Variants in CASZ1 observed in about 807,000 individuals in gnomAD.
CASZ1 encodes zinc finger protein castor homolog 1.
CASZ1 carries 28 observed loss-of-function variants against 135.2 expected under a neutral mutation model. The ratio of observed to expected loss-of-function variants is 0.21; its 90% CI spans 0.15 to 0.28. The LOEUF (loss-of-function observed/expected upper bound fraction) is 0.28. Among genes scored for constraint, CASZ1 ranks in the 10% least tolerant of loss-of-function variants. The probability of loss-of-function intolerance (pLI) is 1.00; values close to 1 mark genes in which losing one functional copy is unlikely to be tolerated. For synonymous variants in CASZ1, 1,068 were observed against 1,073.4 expected (o/e 0.99, Z 0.10); for missense variants, 2,161 against 2,453.3 (o/e 0.88, Z 2.52).
intron 7 of CASZ1, 85 bp downstream of exon 7, chr1:10,658,423 G>C (rs531708236): frequency 9.0e-7 from 1 of 1,112,594 alleles, no homozygotes; most frequent in South Asian, 1.3e-5. Flanking sequence ...CTAGAGGTCA[G>C]ATATCAAACG....
intron 1 of CASZ1, among the ~76,000 whole-genome samples, chr1:10,783,109 C>T (rs1267007360): frequency 6.6e-6 from 1 of 152,218 alleles, no homozygotes; most frequent in Non-Finnish European, 1.5e-5. Flanking sequence ...GGAATCAACA[C>T]ACACGGCCCT....
chr1:10,749,451 G>A (rs1382809340), intron 2 of CASZ1, among the ~76,000 whole-genome samples: 1 of 152,150 alleles, frequency 6.6e-6, no homozygotes, highest in Non-Finnish European at 1.5e-5. Flanking sequence ...GTTTCACCAT[G>A]TTGGCCAGGA....
chr1:10,732,655 G>A (rs1348772564), intron 2 of CASZ1, among the ~76,000 whole-genome samples: 1 of 152,178 alleles, frequency 6.6e-6, no homozygotes, highest in Non-Finnish European at 1.5e-5. Context: ...AGGCAGAGGA[G>A]GGGGAGATGG....
chr1:10,710,018 A>G (rs1287589008), intron 2 of CASZ1, among the ~76,000 whole-genome samples: 1 of 152,144 alleles, frequency 6.6e-6, no homozygotes, highest in East Asian at 1.9e-4. Context: ...TCTTGGTTGG[A>G]ATTGGGCCAG....
intron 4 of CASZ1, among the ~76,000 whole-genome samples, chr1:10,669,182 A>T (rs913831457): frequency 2.6e-5 from 4 of 152,140 alleles, no homozygotes; most frequent in Non-Finnish European, 4.4e-5. Flanking sequence ...GTCCCATTTC[A>T]TAGAGGAGGA....
In CASZ1 at chr1:10,647,361, C is replaced by T. The variant is rs551543808; in HGVS notation, c.3497+440G>A. On this transcript the variant is annotated intron_variant, in intron 16 of 20. Coordinates refer to ENST00000377022, the MANE Select transcript of CASZ1 (RefSeq NM_001079843.3). This position sits in a 1 kb window ranked among gnomAD's most constrained non-coding sequence, Gnocchi z 4.9. ...CTCAGACCACTGTGCAGGCCAGTGA[C>T]GGCCTGGAGGGGCCTGGCCCCTACC... The T allele has an allele frequency of 6.5e-5, 68 of 1,050,576 alleles. No homozygotes were observed. The highest frequency in any genetic ancestry group is 3.2e-4 in the African/African-American group (19 of 58,802). The allele number at this position is 1,050,576 out of a possible 1,614,324, so 65.1% of individuals were successfully genotyped here.
rs537534840 is a variant in CASZ1 at position 10,640,533 on chromosome 1, T to A, written c.4163-474A>T. The stretch of plus-strand genomic sequence containing the variant: ...TACCCGGCTTCCCTGGCTGCGCCTG[T>A]CTGCACAGGGGGAGCTGCCTACTCA... On this transcript the variant is annotated intron_variant, in intron 20 of 20. Transcript: ENST00000377022. Among the ~76,000 whole-genome samples the A allele has an allele frequency of 2.3e-3, 354 of 152,340 alleles. 1 individual carries two copies. The highest frequency in any genetic ancestry group is 8.1e-3 in the African/African-American group (336 of 41,576).
At chr1:10,787,447 G>A (rs955817328) in intron 1 of CASZ1, among the ~76,000 whole-genome samples, 1 of 152,254 alleles carries the variant, frequency 6.6e-6, no homozygotes, top group African/African-American at 2.4e-5. Context: ...CGAAGGAGCT[G>A]TGGGGACGAG....
chr1:10,703,189 C>G (rs651374), intron 3 of CASZ1, among the ~76,000 whole-genome samples: 78,162 of 151,718 alleles, frequency 0.52, 22,665 homozygotes, highest in Non-Finnish European at 0.67. Context: ...CTGGCCGCGG[C>G]CGCAGCTCCC....
rs1168517670 is a variant in CASZ1, at chr1:10,747,231, G to A, written c.-77+13470C>T. ...ATAGGCCACCTGAGACTAAGGGTGGGGCTGGGAAGCAAAGGGGAAGCCGTC... is the reference window on the plus strand; with the variant it reads ...ATAGGCCACCTGAGACTAAGGGTGGAGCTGGGAAGCAAAGGGGAAGCCGTC... On this transcript the variant is annotated intron_variant, in intron 2 of 20. Coordinates refer to ENST00000377022, the MANE Select transcript of CASZ1 (RefSeq NM_001079843.3). The surrounding 1 kb of genome is among the most constrained non-coding windows in gnomAD (Gnocchi z 4.3). Among the ~76,000 whole-genome samples the A allele has an allele frequency of 6.6e-6, 1 of 152,226 alleles. No homozygotes were observed. The highest frequency in any genetic ancestry group is 1.5e-5 in the Non-Finnish European group (1 of 68,040).
chr1:10,763,739 C>T (rs1183464504), intron 1 of CASZ1, among the ~76,000 whole-genome samples: 1 of 152,202 alleles, frequency 6.6e-6, no homozygotes, highest in Non-Finnish European at 1.5e-5. Flanking sequence ...TCTAGCACAA[C>T]AGCTGGGCCA....
intron 4 of CASZ1, among the ~76,000 whole-genome samples, chr1:10,689,955 G>A (rs1437406959): frequency 2.0e-5 from 3 of 152,202 alleles, no homozygotes; most frequent in African/African-American, 7.2e-5. Context: ...TCTGTCCCGG[G>A]CTCTGACAGC....
chr1:10,660,453 G>T lies in CASZ1; in HGVS notation c.589C>A (p.Arg197=), dbSNP rs772916060. Residue 197 remains arginine (R), a synonymous_variant, in exon 6 of 21, where the codon CGG becomes AGG. Transcript: ENST00000377022. Reference sequence around the variant, plus strand: ...CTGATCTTCCTGGCCAGCTCGTCCCGCGTGTTCTGGTCATCATAGCCAAAC... The same window carrying T: ...CTGATCTTCCTGGCCAGCTCGTCCCTCGTGTTCTGGTCATCATAGCCAAAC... The part of the protein sequence containing the change: ...GMFGYDDQNT[R]DELARKISFE... 1 of 1,614,130 alleles carries T rather than the reference G, an allele frequency of 6.2e-7. No individual in the cohort carries two copies.
chr1:10,650,819 T>G, intron 12 of CASZ1, 64 bp from the exon 13 acceptor site: 1 of 1,600,598 alleles, frequency 6.2e-7, no homozygotes. Context: ...GGGGCTCACC[T>G]TCCCTGCCCG....
In CASZ1 at chr1:10,647,503, G is replaced by C; in HGVS notation, c.3497+298C>G. 7.7e-7 allele frequency: 1 copy of C among 1,302,398 alleles called. No homozygotes were observed. Among genetic ancestry groups the C allele is most frequent in the Non-Finnish European group, 9.8e-7 (1 of 1,018,016 alleles). The allele number at this position is 1,302,398 out of a possible 1,614,324, so 80.7% of individuals were successfully genotyped here. ...TGTCAGGCTGGGAGTTGTCCTCTGA[G>C]GACCACCACGCCCAGTCCACCCCAC... On this transcript the variant is annotated intron_variant, in intron 16 of 20. Coordinates refer to ENST00000377022, the MANE Select transcript of CASZ1 (RefSeq NM_001079843.3). The surrounding 1 kb of genome is among the most constrained non-coding windows in gnomAD (Gnocchi z 4.9).
At chr1:10,693,135 A>C (rs947360588) in intron 4 of CASZ1, among the ~76,000 whole-genome samples, 15 of 152,154 alleles carry the variant, frequency 9.9e-5, no homozygotes, top group African/African-American at 3.6e-4. Context: ...CTTGTCCCAC[A>C]GGAGGCCCCC....
chr1:10,647,096 A>C lies in CASZ1; in HGVS notation c.3497+705T>G. ...GGAAACCTGAGCTGCTACTCTGGGG[A>C]GGAGGAGGGGGAGGGGAGGCTGGTG... On this transcript the variant is annotated intron_variant, in intron 16 of 20. Transcript: ENST00000377022. This position sits in a 1 kb window ranked among gnomAD's most constrained non-coding sequence, Gnocchi z 4.9. 4.0e-6 allele frequency: 1 copy of C among 252,130 alleles called. No individual in the cohort carries two copies. Among genetic ancestry groups the C allele is most frequent in the Non-Finnish European group, 5.3e-6 (1 of 187,314 alleles). 15.6% of individuals were successfully genotyped at this position (252,130 alleles called of 1,614,324 possible). A position where few individuals can be genotyped will look rare whatever the true frequency, so the allele number is the denominator to read the frequency against.
chr1:10,656,782 TCCCAGCCCCAGCCCCAGC>T (rs561972142), intron 7 of CASZ1, 46 bp from the exon 8 acceptor site: 2 of 1,316,496 alleles, frequency 1.5e-6, no homozygotes, highest in African/African-American at 1.4e-5. Flanking sequence ...TGGGTGACAG[TCCCAGCCCCAGCCCCAGC>T]CCCAGCCCCA....
rs1421176522 is a variant in CASZ1, at chr1:10,647,457, G to A, written c.3497+344C>T. 1.3e-5 allele frequency: 16 copies of A among 1,204,948 alleles called. No homozygotes were observed. Among genetic ancestry groups the A allele is most frequent in the African/African-American group, 1.6e-5 (1 of 63,432 alleles). 74.6% of individuals were successfully genotyped at this position (1,204,948 alleles called of 1,614,324 possible). ...ACAGAGGAGGCCAATACGGAGGCTC[G>A]GAGGGAGACGCAGCCCTCCTTGTCA... On this transcript the variant is annotated intron_variant, in intron 16 of 20. Coordinates refer to ENST00000377022, the MANE Select transcript of CASZ1 (RefSeq NM_001079843.3). The surrounding 1 kb of genome is among the most constrained non-coding windows in gnomAD (Gnocchi z 4.9).
Sources: allele counts gnomAD v4.1 joint callset (sites outside exome capture counted in the v4.1 genomes callset), GRCh38; gene constraint gnomAD v4.1.1; non-coding constraint Gnocchi (gnomAD v3.1); transcripts MANE v1.5; gene names NCBI Gene and HGNC (gene_info 2026-07-23, HGNC 2026-07-21).